Variants in MYO5A observed in about 807,000 individuals in gnomAD.
The protein encoded by MYO5A is unconventional myosin-Va.
A neutral mutation model predicts 249.7 loss-of-function variants in MYO5A; 98 were observed. That is an observed-to-expected ratio of 0.39 (90% CI 0.33 to 0.46). The LOEUF is 0.46. Among genes scored for constraint, MYO5A ranks in the 20% least tolerant of loss-of-function variants. MYO5A has a pLI of 0.98. For synonymous variants in MYO5A, 778 were observed against 810.6 expected, an observed-to-expected ratio of 0.96 and a Z score of 0.68; for missense variants, 1,696 against 2,308.8, an observed-to-expected ratio of 0.73 and a Z score of 5.44.
chr15:52,385,387 T>C (rs1173408908), intron 14 of MYO5A, among the ~76,000 whole-genome samples: 1 of 152,178 alleles, frequency 6.6e-6, no homozygotes, highest in Non-Finnish European at 1.5e-5. Flanking sequence ...TAATCAGCTA[T>C]ACAGAAAGTA....
intron 1 of MYO5A, chr15:52,505,938 G>T (rs79605962): frequency 0.11 from 146,870 of 1,334,580 alleles, 8,713 homozygotes; most frequent in Middle Eastern, 0.15. Context: ...TCTTGGCTGG[G>T]CGCAGTGGCT....
chr15:52,518,885 A>ATTG (rs2077553627), intron 1 of MYO5A, among the ~76,000 whole-genome samples: 2 of 152,256 alleles, frequency 1.3e-5, no homozygotes, highest in Non-Finnish European at 2.9e-5. Context: ...AATAAAGCAA[A>ATTG]AACAAAAATG....
chr15:52,432,951 C>T (rs545342703), intron 2 of MYO5A, among the ~76,000 whole-genome samples: 8 of 152,098 alleles, frequency 5.3e-5, no homozygotes, highest in Non-Finnish European at 1.2e-4. Context: ...ATTCACAGGC[C>T]AAAATAGAAG....
chr15:52,460,392 C>A (rs1286481189), intron 1 of MYO5A, among the ~76,000 whole-genome samples: 1 of 152,250 alleles, frequency 6.6e-6, no homozygotes, highest in Non-Finnish European at 1.5e-5. Flanking sequence ...CGTCTACAAT[C>A]CCGGCACCTC....
intron 13 of MYO5A, among the ~76,000 whole-genome samples, chr15:52,389,023 C>G (rs1437967563): frequency 6.6e-6 from 1 of 151,878 alleles, no homozygotes; most frequent in Admixed American, 6.6e-5. Flanking sequence ...ACAGAGATTC[C>G]TGGATTTCAG....
At position 52,374,220 on chromosome 15, in the gene MYO5A, T is replaced by C. The variant is rs905952193; in HGVS notation, c.2577+1084A>G. The stretch of plus-strand genomic sequence containing the variant: ...ACTACTCTGGTGACCCCATTAATTA[T>C]TGCTAGATGTAAGATTATTTGTCAA... On this transcript the variant is annotated intron_variant, in intron 20 of 41. Transcript: ENST00000399233. Among the ~76,000 whole-genome samples the C allele has an allele frequency of 2.6e-5, 4 of 152,228 alleles. No individual in the cohort carries two copies. The South Asian group carries it at 8.3e-4, about 32-fold the overall frequency.
chr15:52,516,658 A>T (rs768114184), intron 1 of MYO5A, among the ~76,000 whole-genome samples: 8 of 152,308 alleles, frequency 5.3e-5, no homozygotes, highest in Non-Finnish European at 1.2e-4. Flanking sequence ...CCATTCTATA[A>T]CGCTCCTTTA....
At chr15:52,480,157 T>C (rs2076686089) in intron 1 of MYO5A, among the ~76,000 whole-genome samples, 1 of 152,186 alleles carries the variant, frequency 6.6e-6, no homozygotes, top group Non-Finnish European at 1.5e-5. Context: ...TTCCCTTAAT[T>C]TTCTACAACA....
chr15:52,374,381 C>G (rs2041289494), intron 20 of MYO5A, among the ~76,000 whole-genome samples: 1 of 152,206 alleles, frequency 6.6e-6, no homozygotes, highest in Non-Finnish European at 1.5e-5. Context: ...GTCATATATT[C>G]TATCTATTCA....
At chr15:52,388,855 G>A (rs2042084453) in intron 13 of MYO5A, among the ~76,000 whole-genome samples, 1 of 152,040 alleles carries the variant, frequency 6.6e-6, no homozygotes, top group Non-Finnish European at 1.5e-5. Flanking sequence ...CCAGCAGAAT[G>A]GAAGGCAATG....
chr15:52,341,586 A>T (rs1596315813), intron 31 of MYO5A, among the ~76,000 whole-genome samples: 1 of 152,258 alleles, frequency 6.6e-6, no homozygotes, highest in East Asian at 1.9e-4. Flanking sequence ...ACATTCTTTT[A>T]TTCCAGTCCC....
At chr15:52,445,606 A>T (rs1324979932) in intron 1 of MYO5A, among the ~76,000 whole-genome samples, 1 of 152,220 alleles carries the variant, frequency 6.6e-6, no homozygotes, top group East Asian at 1.9e-4. Flanking sequence ...AAGAAGAAAG[A>T]AAGTTTGGAA....
chr15:52,516,025 ATAT>A (rs1055369894), intron 1 of MYO5A, among the ~76,000 whole-genome samples: 2 of 152,258 alleles, frequency 1.3e-5, no homozygotes, highest in African/African-American at 4.8e-5. Context: ...ATTTCTTAAT[ATAT>A]TATAAGTCAG....
intron 40 of MYO5A, among the ~76,000 whole-genome samples, chr15:52,315,072 A>G (rs2037933159): frequency 6.6e-6 from 1 of 152,236 alleles, no homozygotes; most frequent in African/African-American, 2.4e-5. Flanking sequence ...CTCGGAGGCA[A>G]GTATTTGAAT....
At chr15:52,505,690 G>C (rs775800988) in intron 1 of MYO5A, 7 of 1,264,950 alleles carry the variant, frequency 5.5e-6, no homozygotes, top group Non-Finnish European at 8.1e-6. Flanking sequence ...TCAAGCAGAC[G>C]TCTTAGTCTG....
chr15:52,364,063 C>G (rs1207381456), intron 24 of MYO5A, among the ~76,000 whole-genome samples: 1 of 151,956 alleles, frequency 6.6e-6, no homozygotes, highest in African/African-American at 2.4e-5. Context: ...ATGGTGAAAC[C>G]CCATTTCTAC....
chr15:52,352,691 G>A (rs1264045897), intron 27 of MYO5A, among the ~76,000 whole-genome samples: 3 of 152,080 alleles, frequency 2.0e-5, no homozygotes, highest in African/African-American at 4.8e-5. Context: ...GCTGAGGCAG[G>A]AGAATGGCAT....
chr15:52,365,150 G>T (rs1040246730), intron 23 of MYO5A, among the ~76,000 whole-genome samples: 1 of 152,162 alleles, frequency 6.6e-6, no homozygotes, highest in African/African-American at 2.4e-5. Flanking sequence ...AGTGGACCCG[G>T]TTGTCCTACT....
intron 31 of MYO5A, 105 bp from the exon 32 acceptor site, chr15:52,340,499 T>G: frequency 3.1e-6 from 3 of 959,062 alleles, no homozygotes; most frequent in Non-Finnish European, 4.9e-6. Flanking sequence ...AAGCAGATAT[T>G]CTTTAGTATC....
Sources: gnomAD v4.1 joint callset for allele counts (sites outside exome capture counted in the v4.1 genomes callset) on GRCh38, gnomAD v4.1.1 for gene constraint, MANE v1.5 for transcripts, NCBI Gene and HGNC (gene_info 2026-07-23, HGNC 2026-07-21) for gene names.